HIVEP3: variants seen among roughly 807,000 people sequenced by gnomAD.
HIVEP3 encodes the protein transcription factor HIVEP3.
HIVEP3 carries 49 observed loss-of-function variants against 152.8 expected under a neutral mutation model. The observed-to-expected ratio is 0.32, with a 90% CI of 0.26 to 0.41. The LOEUF (loss-of-function observed/expected upper bound fraction) is 0.41. HIVEP3 is among the 10% of genes least tolerant of loss of function. The probability of loss-of-function intolerance (pLI) is 1.00; values close to 1 mark genes in which losing one functional copy is unlikely to be tolerated. For missense variants in HIVEP3, 2,790 were observed against 3,103.3 expected, an observed-to-expected ratio of 0.90 and a Z score of 2.40; for synonymous variants, 1,269 against 1,289.0, an observed-to-expected ratio of 0.98 and a Z score of 0.33.
In HIVEP3 at chr1:41,575,589, G is replaced by A. The variant is rs746018491; in HGVS notation, c.5162C>T (p.Ala1721Val). 1 of 1,613,866 alleles carries A rather than the reference G, an allele frequency of 6.2e-7. No homozygotes were observed. The highest frequency in any genetic ancestry group is 1.7e-5 in the Admixed American group (1 of 60,012). The change falls in exon 5 of 9, where the codon GCC becomes GTC. Residue 1721 changes from alanine (A) to valine (V), a missense_variant. Physicochemically the swap from Ala to Val is moderately conservative, Grantham distance 64 (BLOSUM62 0). Transcript: ENST00000372583. ...RRGEPEEDAP[A>V]SQRGEPARIK... ...CCTCGCCGGCTCCCCTCTCTGGGAG[G>A]CAGGAGCATCCTCCTCCGGCTCCCC...
intron 1 of HIVEP3, among the ~76,000 whole-genome samples, chr1:41,932,984 CTTATAT>C (rs1645002863): frequency 1.3e-5 from 2 of 151,848 alleles, no homozygotes; most frequent in African/African-American, 4.8e-5. Flanking sequence ...AGATTTTCCA[CTTATAT>C]TTCTATTATT....
intron 1 of HIVEP3, among the ~76,000 whole-genome samples, chr1:41,721,102 G>A (rs1026345076): frequency 2.0e-5 from 3 of 152,182 alleles, no homozygotes; most frequent in African/African-American, 7.2e-5. Context: ...AGTTGACTAA[G>A]TTCTAGAGAC....
chr1:41,545,233 TCAC>T lies in HIVEP3; in HGVS notation c.5208-20326_5208-20324del, dbSNP rs1159752754. Among the ~76,000 whole-genome samples, 59 of 34,582 alleles carry T rather than the reference TCAC, an allele frequency of 1.7e-3. 1 individual carries two copies. Among genetic ancestry groups the T allele is most frequent in the African/African-American group, 5.8e-3 (48 of 8,294 alleles). The allele number at this position is 34,582 out of a possible 152,430, so 22.7% of individuals were successfully genotyped here. On this transcript the variant is annotated intron_variant, in intron 5 of 8. Coordinates refer to ENST00000372583, the MANE Select transcript of HIVEP3 (RefSeq NM_024503.5). Reference sequence around the variant, plus strand: ...ATCGCCACCACCACCATCGCTACCATCACCACCACCACCAATACCACTACCACC... The same window carrying T: ...ATCGCCACCACCACCATCGCTACCATCACCACCACCAATACCACTACCACC...
chr1:41,646,760 C>A (rs934673317), intron 2 of HIVEP3, among the ~76,000 whole-genome samples: 1 of 152,206 alleles, frequency 6.6e-6, no homozygotes, highest in Non-Finnish European at 1.5e-5. Context: ...TGTAAGGCTT[C>A]TGTAACAAAT....
intron 1 of HIVEP3, among the ~76,000 whole-genome samples, chr1:42,006,515 C>T (rs545497426): frequency 4.9e-4 from 73 of 148,188 alleles, no homozygotes; most frequent in Admixed American, 3.6e-3. Flanking sequence ...AACCTCATTA[C>T]ATGTTAACAT....
chr1:41,703,379 C>G (rs1646390258), intron 1 of HIVEP3, among the ~76,000 whole-genome samples: 1 of 152,172 alleles, frequency 6.6e-6, no homozygotes, highest in African/African-American at 2.4e-5. Flanking sequence ...ACTATGAGAG[C>G]CCTAACAGTG....
chr1:41,908,975 G>C (rs1302779683), intron 1 of HIVEP3, among the ~76,000 whole-genome samples: 6 of 152,120 alleles, frequency 3.9e-5, no homozygotes, highest in Admixed American at 1.3e-4. Flanking sequence ...TATATACCTA[G>C]ATACGCTTTG....
intron 3 of HIVEP3, among the ~76,000 whole-genome samples, chr1:41,605,113 A>G (rs1373821913): frequency 1.4e-5 from 2 of 145,908 alleles, no homozygotes; most frequent in Non-Finnish European, 3.0e-5. Context: ...TCCAATAAAA[A>G]AAAAAAAAAA....
chr1:41,889,075 ACCACACATACG>A (rs1644404825), intron 1 of HIVEP3, among the ~76,000 whole-genome samples: 1 of 139,598 alleles, frequency 7.2e-6, no homozygotes, highest in Non-Finnish European at 1.6e-5. Flanking sequence ...CACCACACAC[ACCACACATACG>A]CCACATACCT....
chr1:41,736,643 C>T (rs1278424943), intron 1 of HIVEP3, among the ~76,000 whole-genome samples: 1 of 152,236 alleles, frequency 6.6e-6, no homozygotes, highest in Admixed American at 6.5e-5. Flanking sequence ...CAGATGCAGG[C>T]CAAGGAACCA....
At chr1:41,599,423 A>T (rs991823997) in intron 3 of HIVEP3, among the ~76,000 whole-genome samples, 1 of 152,216 alleles carries the variant, frequency 6.6e-6, no homozygotes, top group Non-Finnish European at 1.5e-5. Flanking sequence ...ATTGTGCTTC[A>T]TTAAAATTTA....
chr1:41,527,263 A>ATGCTCATCCACACACACCCACAG (rs1643002360), intron 5 of HIVEP3, among the ~76,000 whole-genome samples: 2 of 81,956 alleles, frequency 2.4e-5, no homozygotes, highest in Admixed American at 1.3e-4. Flanking sequence ...ACACCCTCAC[A>ATGCTCATCCACACACACCCACAG]TGCTCACCCT....
At chr1:41,601,444 T>C (rs1488741822) in intron 3 of HIVEP3, among the ~76,000 whole-genome samples, 2 of 152,304 alleles carry the variant, frequency 1.3e-5, no homozygotes, top group East Asian at 3.9e-4. Flanking sequence ...TGTTTTGTAG[T>C]TTCCAGTACA....
intron 1 of HIVEP3, among the ~76,000 whole-genome samples, chr1:42,034,967 GCATCTCTC>G (rs1343355324): frequency 2.6e-5 from 4 of 152,090 alleles, no homozygotes; most frequent in African/African-American, 9.7e-5. Flanking sequence ...TTGGCCAAAA[GCATCTCTC>G]CATGCAACCA....
Position 41,583,149 on chromosome 1 carries a change from A to T in HIVEP3, c.1649T>A (p.Ile550Asn). The stretch of plus-strand genomic sequence containing the variant: ...TCGGAAGGGGTGGTGGGGGGTGCTG[A>T]TAGTGCAGGCGGCAGAAGGCATTGA... ...SHSMPSAACT[I>N]STPHHPFRGS... The change falls in exon 4 of 9, where the codon ATC becomes AAC. Residue 550 changes from isoleucine (I) to asparagine (N), a missense_variant. Physicochemically the swap from Ile to Asn is moderately radical, Grantham distance 149 (BLOSUM62 -3). Around this residue, in one of 9 missense-constraint regions of HIVEP3, gnomAD observed 339 missense variants for 327.0 expected, o/e 1.04. Coordinates refer to ENST00000372583, the MANE Select transcript of HIVEP3 (RefSeq NM_024503.5). This position sits in a 1 kb window ranked among gnomAD's most constrained non-coding sequence, Gnocchi z 6.9. 6.2e-7 allele frequency: 1 copy of T among 1,612,574 alleles called. No homozygotes were observed. Among genetic ancestry groups the T allele is most frequent in the Non-Finnish European group, 8.5e-7 (1 of 1,179,734 alleles).
intron 1 of HIVEP3, among the ~76,000 whole-genome samples, chr1:41,891,438 G>A (rs1644445055): frequency 6.6e-6 from 1 of 152,156 alleles, no homozygotes. Flanking sequence ...TGAAGTGGTG[G>A]TGTCACGGGG....
At chr1:41,872,154 T>C (rs1342422567) in intron 1 of HIVEP3, among the ~76,000 whole-genome samples, 6 of 152,118 alleles carry the variant, frequency 3.9e-5, no homozygotes, top group Admixed American at 3.9e-4. Flanking sequence ...AATTGAGAAA[T>C]GAATGACTCG....
At chr1:41,783,380 G>T (rs1649166867) in intron 1 of HIVEP3, among the ~76,000 whole-genome samples, 1 of 152,178 alleles carries the variant, frequency 6.6e-6, no homozygotes, top group Non-Finnish European at 1.5e-5. Flanking sequence ...TCAAAGAGAG[G>T]GGGTGGCACG....
chr1:41,511,188 G>A lies in HIVEP3; in HGVS notation c.6484C>T (p.His2162Tyr), dbSNP rs141638771. The A allele has an allele frequency of 1.7e-4, 276 of 1,614,178 alleles. No individual in the cohort carries two copies. In the African/African-American group the frequency reaches 2.4e-3, roughly 14 times the overall value. ...GCCAGGATGTGGCCGTGGAAGTCAT[G>A]GAGGGCGGAGAAGGGTCGGGAGGAG... ...PLSSRPFSAL[H>Y]DFHGHILART... is the part of the protein sequence containing the mutation. Residue 2162 changes from histidine to tyrosine, a missense_variant, in exon 9 of 9, where the codon CAT becomes TAT. His to Tyr is a moderately conservative substitution (Grantham distance 83). Transcript: ENST00000372583. The surrounding 1 kb of genome is among the most constrained non-coding windows in gnomAD (Gnocchi z 4.9).
Sources: allele counts gnomAD v4.1 joint callset (sites outside exome capture counted in the v4.1 genomes callset), GRCh38; gene constraint gnomAD v4.1.1; regional missense constraint gnomAD v4.1.1; non-coding constraint Gnocchi (gnomAD v3.1); transcripts MANE v1.5; gene names NCBI Gene and HGNC (gene_info 2026-07-23, HGNC 2026-07-21).